Variants in IQSEC2 observed in about 807,000 individuals in gnomAD.
IQSEC2 encodes IQ motif and SEC7 domain-containing protein 2.
A neutral mutation model predicts 74.6 loss-of-function variants in IQSEC2; 6 were observed. The ratio of observed to expected loss-of-function variants is 0.08; its 90% CI spans 0.04 to 0.16. The LOEUF is 0.16. Ranked by LOEUF, IQSEC2 falls within the 10% of genes least tolerant of loss-of-function variation. The pLI is 1.00. For missense variants in IQSEC2, 734 were observed against 1,306.2 expected (o/e 0.56, Z 6.75); for synonymous variants, 494 against 544.5 (o/e 0.91, Z 1.29).
Position 53,234,582 on chromosome X carries a change from C to T in IQSEC2, c.4104G>A (p.Leu1368=), listed in dbSNP as rs184087864. The T allele has an allele frequency of 0.013, 14,302 of 1,118,294 alleles. 1,164 individuals carry two copies. In the African/African-American group the frequency reaches 0.24, roughly 18 times the overall value. 92.2% of individuals were successfully genotyped at this position (1,118,294 alleles called of 1,213,427 possible). The change falls in exon 15 of 15, where the codon CTG becomes CTA. Residue 1368 remains leucine, a synonymous_variant. Coordinates refer to ENST00000642864, the MANE Select transcript of IQSEC2 (RefSeq NM_001111125.3). The stretch of plus-strand genomic sequence containing the variant: ...GCTGGGGGGCAGGACTGTACAGGGG[C>T]AGTGGGGATGTGGGCTGGTGCAGGG... ...RHPLHQPTSP[L]PLYSPAPQHP...
At chrX:53,309,942 T>C (rs1475459426) in intron 1 of IQSEC2, among the ~76,000 whole-genome samples, 1 of 111,652 alleles carries the variant, frequency 9.0e-6, no homozygotes, top group African/African-American at 3.3e-5. Flanking sequence ...AGCAAAGCTT[T>C]GATTCGTTAA....
At chrX:53,292,826 G>A (rs2075115001) in intron 1 of IQSEC2, among the ~76,000 whole-genome samples, 1 of 111,664 alleles carries the variant, frequency 9.0e-6, no homozygotes, top group Non-Finnish European at 1.9e-5. Flanking sequence ...TGTACGGGAG[G>A]GAGGATCAGG....
rs150399226 is a variant in IQSEC2 at position 53,290,647 on chromosome X, T to C, written c.737+1248A>G. Among the ~76,000 whole-genome samples the C allele has an allele frequency of 6.3e-3, 708 of 112,126 alleles. 7 individuals carry two copies. The highest frequency in any genetic ancestry group is 0.019 in the African/African-American group (581 of 30,879). On this transcript the variant is annotated intron_variant, in intron 2 of 14. Transcript: ENST00000642864. ...CCCCTTTCCTGGACACTGGGACTGA[T>C]TGCATTAAAGCTGGCCTCAGCATGT... is the stretch of plus-strand genomic sequence containing the variant.
chrX:53,284,928 G>C (rs1602342169), intron 2 of IQSEC2, among the ~76,000 whole-genome samples: 1 of 112,316 alleles, frequency 8.9e-6, no homozygotes. Context: ...CAGCTCCTCA[G>C]CTCTGGACTT....
intron 2 of IQSEC2, among the ~76,000 whole-genome samples, chrX:53,271,097 G>A (rs2074737982): frequency 9.0e-6 from 1 of 111,443 alleles, no homozygotes; most frequent in Non-Finnish European, 1.9e-5. Flanking sequence ...GCTGCTTGAG[G>A]TAAGCCTGAC....
At chrX:53,313,045 G>T (rs1051369499) in intron 1 of IQSEC2, among the ~76,000 whole-genome samples, 2 of 112,541 alleles carry the variant, frequency 1.8e-5, no homozygotes, top group Admixed American at 9.4e-5. Flanking sequence ...ATCCTGATCA[G>T]CCGTGTAGCT....
At chrX:53,308,054 C>T in intron 1 of IQSEC2, among the ~76,000 whole-genome samples, 1 of 104,192 alleles carries the variant, frequency 9.6e-6, no homozygotes, top group Non-Finnish European at 1.9e-5. Flanking sequence ...GTCCCAGCTA[C>T]TAGAGAGGCT....
rs1556872374 is a variant in IQSEC2 at position 53,288,854 on chromosome X, T to C, written c.737+3041A>G. Among the ~76,000 whole-genome samples, 3 of 112,068 alleles carry C rather than the reference T, an allele frequency of 2.7e-5. No homozygotes were observed. In the Admixed American group the frequency reaches 2.8e-4, roughly 11 times the overall value. On this transcript the variant is annotated intron_variant, in intron 2 of 14. Transcript: ENST00000642864. ...TAGCTAGCTTTGTGACCTCGAGCGA[T>C]GGCCAATCCCTCTCTGGACCTTGGC...
intron 1 of IQSEC2, among the ~76,000 whole-genome samples, chrX:53,309,740 A>C (rs2075303154): frequency 8.9e-6 from 1 of 112,221 alleles, no homozygotes; most frequent in East Asian, 2.8e-4. Flanking sequence ...TGCTTGAGTC[A>C]CAAAGGATTT....
intron 1 of IQSEC2, among the ~76,000 whole-genome samples, chrX:53,317,279 C>T (rs2075386823): frequency 9.0e-6 from 1 of 111,536 alleles, no homozygotes; most frequent in South Asian, 3.7e-4. Context: ...GAGACAGGGA[C>T]GCATCTCACT....
chrX:53,318,182 C>T lies in IQSEC2; in HGVS notation c.707+2235G>A, dbSNP rs782751623. Among the ~76,000 whole-genome samples, 3 of 112,077 alleles carry T rather than the reference C, an allele frequency of 2.7e-5. No homozygotes were observed. The South Asian group carries it at 1.1e-3, about 41-fold the overall frequency. ...TCCCTTCATCTTGGAGCCTCAGTTT[C>T]CCCATCTCTAAAATGCAGTTGCCAA... On this transcript the variant is annotated intron_variant, in intron 1 of 14. Transcript: ENST00000642864.
At chrX:53,277,695 G>T (rs2074857499) in intron 2 of IQSEC2, among the ~76,000 whole-genome samples, 1 of 111,438 alleles carries the variant, frequency 9.0e-6, no homozygotes, top group Non-Finnish European at 1.9e-5. Context: ...TTTTGAGACG[G>T]AGTCTTGCTC....
chrX:53,290,160 G>C (rs1424781195), intron 2 of IQSEC2, among the ~76,000 whole-genome samples: 1 of 110,998 alleles, frequency 9.0e-6, no homozygotes. Context: ...TAGCTGCCTG[G>C]CTGCAGGCAA....
intron 4 of IQSEC2, among the ~76,000 whole-genome samples, chrX:53,252,657 C>T (rs1290419332): frequency 9.0e-6 from 1 of 111,689 alleles, no homozygotes; most frequent in African/African-American, 3.3e-5. Flanking sequence ...CTCCCTACAG[C>T]TTGACCGCAG....
At chrX:53,258,692 T>C (rs2074514517) in intron 2 of IQSEC2, among the ~76,000 whole-genome samples, 1 of 108,590 alleles carries the variant, frequency 9.2e-6, no homozygotes, top group Non-Finnish European at 1.9e-5. Flanking sequence ...CCGTCTCTAA[T>C]GAAAATACAA....
At chrX:53,255,062 T>TA in intron 3 of IQSEC2, 131 bp from the exon 4 acceptor site, 1 of 572,286 alleles carries the variant, frequency 1.7e-6, no homozygotes, top group East Asian at 3.6e-5. Context: ...CCAGGCTAGG[T>TA]GCTCAGTGTT....
chrX:53,312,978 A>G (rs1356191026), intron 1 of IQSEC2, among the ~76,000 whole-genome samples: 4 of 112,495 alleles, frequency 3.6e-5, no homozygotes, highest in East Asian at 2.8e-4. Context: ...CATTAGTGAA[A>G]TGGTACCTAT....
At chrX:53,235,326 G>A (rs2074110725) in intron 14 of IQSEC2, 142 bp from the exon 15 acceptor site, 7 of 748,417 alleles carry the variant, frequency 9.4e-6, no homozygotes, top group Non-Finnish European at 1.3e-5. Flanking sequence ...AGTCCGGTAC[G>A]CGTATGTGGA....
chrX:53,251,280 GGA>G, intron 4 of IQSEC2, 106 bp from the exon 5 acceptor site: 1 of 852,347 alleles, frequency 1.2e-6, no homozygotes, highest in East Asian at 3.3e-5. Flanking sequence ...GGAAAAAGGG[GGA>G]GTCTTCCTGG....
Sources: allele counts gnomAD v4.1 joint callset (sites outside exome capture counted in the v4.1 genomes callset), GRCh38; gene constraint gnomAD v4.1.1; transcripts MANE v1.5; gene names NCBI Gene and HGNC (gene_info 2026-07-23, HGNC 2026-07-21).